Variants in LARGE1 observed in about 807,000 individuals in gnomAD.
The protein encoded by LARGE1 is xylosyl- and glucuronyltransferase LARGE1.
Under a neutral mutation model 87.6 loss-of-function variants are expected in LARGE1, and 43 were observed. The observed-to-expected ratio is 0.49, with a 90% confidence interval of 0.38 to 0.63. The LOEUF is 0.63. Ranked by LOEUF, LARGE1 falls within the 30% of genes least tolerant of loss-of-function variation. The pLI is 0.00. For missense variants in LARGE1, 802 were observed against 1,000.2 expected, an observed-to-expected ratio of 0.80 and a Z score of 2.67; for synonymous variants, 434 against 394.6, an observed-to-expected ratio of 1.10 and a Z score of -1.18.
At chr22:33,263,487 A>G (rs955170350) in intron 11 of LARGE1, among the ~76,000 whole-genome samples, 6 of 152,210 alleles carry the variant, frequency 3.9e-5, no homozygotes, top group African/African-American at 1.4e-4. Flanking sequence ...AGGAGCTGAG[A>G]AAAGTCCTGG....
chr22:33,124,845 A>C, the LARGE1 span, among the ~76,000 whole-genome samples: 2 of 152,222 alleles, frequency 1.3e-5, no homozygotes, highest in East Asian at 1.9e-4. Flanking sequence ...CTACTTAAAA[A>C]AAGAATTCAA....
chr22:33,091,327 G>A, the LARGE1 span, among the ~76,000 whole-genome samples: 9 of 152,218 alleles, frequency 5.9e-5, no homozygotes, highest in South Asian at 8.3e-4. Context: ...TTGGGAGGCC[G>A]AGGTGGGTGG....
At chr22:33,101,857 A>C in the LARGE1 span, among the ~76,000 whole-genome samples, 2 of 152,216 alleles carry the variant, frequency 1.3e-5, no homozygotes, top group East Asian at 3.8e-4. Flanking sequence ...AACATTATTC[A>C]AAGCAAATTT....
chr22:33,539,653 G>C (rs1322489691), intron 6 of LARGE1, among the ~76,000 whole-genome samples: 1 of 149,724 alleles, frequency 6.7e-6, no homozygotes, highest in African/African-American at 2.5e-5. Flanking sequence ...GCAGTGACAC[G>C]ATCACAGCTC....
chr22:33,882,031 T>TTG lies in LARGE1; in HGVS notation c.-83+37963_-83+37964insCA, dbSNP rs1340525414. Among the ~76,000 whole-genome samples, 113 of 135,658 alleles carry TTG rather than the reference T, an allele frequency of 8.3e-4. 1 individual carries two copies. Among genetic ancestry groups the TTG allele is most frequent in the African/African-American group, 3.5e-3 (101 of 28,608 alleles). The allele number at this position is 135,658 out of a possible 152,430, so 89.0% of individuals were successfully genotyped here. On this transcript the variant is annotated intron_variant, in intron 1 of 14. Coordinates refer to ENST00000397394, the MANE Select transcript of LARGE1 (RefSeq NM_133642.5). ...AATTATCTTTGCGGGGTTTTTTTGTTTTTGTTTTTTTTTGTTTTTTTTTTT... is the reference window on the plus strand; with the variant it reads ...AATTATCTTTGCGGGGTTTTTTTGTTTGTTTGTTTTTTTTTGTTTTTTTTTTT...
intron 12 of LARGE1, among the ~76,000 whole-genome samples, chr22:33,303,228 AT>A (rs752196857): frequency 2.4e-4 from 37 of 152,258 alleles, no homozygotes; most frequent in Middle Eastern, 3.4e-3. Context: ...CCGTCCCATG[AT>A]GTGGGGGGAG....
chr22:33,508,201 T>G (rs2148420671), intron 6 of LARGE1, among the ~76,000 whole-genome samples: 1 of 152,266 alleles, frequency 6.6e-6, no homozygotes, highest in Admixed American at 6.5e-5. Flanking sequence ...AACCAGGTGG[T>G]GCTAGATCCC....
chr22:33,100,029 T>C, the LARGE1 span, among the ~76,000 whole-genome samples: 28 of 152,216 alleles, frequency 1.8e-4, 1 homozygote, highest in South Asian at 5.6e-3. Context: ...ACTAGACACA[T>C]GAGGCTATTT....
intron 1 of LARGE1, among the ~76,000 whole-genome samples, chr22:33,838,167 A>G (rs1430046000): frequency 6.6e-6 from 1 of 152,192 alleles, no homozygotes; most frequent in Non-Finnish European, 1.5e-5. Context: ...TCATGGGCTA[A>G]AGGAAGACAG....
At chr22:33,734,236 C>T (rs2083572005) in intron 2 of LARGE1, among the ~76,000 whole-genome samples, 1 of 152,236 alleles carries the variant, frequency 6.6e-6, no homozygotes, top group Non-Finnish European at 1.5e-5. Flanking sequence ...CCTCTTTCCA[C>T]ATAAGGTCAC....
chr22:33,213,567 C>T (rs532454120), intron 11 of LARGE1, among the ~76,000 whole-genome samples: 136 of 152,314 alleles, frequency 8.9e-4, no homozygotes, highest in African/African-American at 3.1e-3. Flanking sequence ...AACCGCCAAC[C>T]TGTCAGTCAG....
At chr22:33,412,494 T>C (rs967518381) in intron 7 of LARGE1, among the ~76,000 whole-genome samples, 1 of 152,102 alleles carries the variant, frequency 6.6e-6, no homozygotes, top group African/African-American at 2.4e-5. Flanking sequence ...CCCCACTGCA[T>C]GGCATTCCCG....
chr22:33,598,896 G>T (rs7511220), intron 5 of LARGE1, among the ~76,000 whole-genome samples: 12,946 of 152,160 alleles, frequency 0.085, 680 homozygotes, highest in African/African-American at 0.14. Flanking sequence ...CTCAGTAATG[G>T]GATTGCTGAG....
chr22:33,908,861 G>T (rs1205802328), intron 1 of LARGE1, among the ~76,000 whole-genome samples: 2 of 152,184 alleles, frequency 1.3e-5, no homozygotes, highest in African/African-American at 2.4e-5. Context: ...GTCACAGGAA[G>T]CAAAGAAATT....
At chr22:33,732,721 T>A (rs2083515029) in intron 2 of LARGE1, 1 of 152,162 alleles carries the variant, frequency 6.6e-6, no homozygotes, top group Non-Finnish European at 1.5e-5. Context: ...GGGCTGCATA[T>A]ATTAGAAGCC....
chr22:33,561,138 G>A (rs1337237138), intron 6 of LARGE1, among the ~76,000 whole-genome samples: 2 of 152,214 alleles, frequency 1.3e-5, no homozygotes, highest in Non-Finnish European at 2.9e-5. Context: ...AAAGCTTCTA[G>A]CTCAGTGCCT....
intron 2 of LARGE1, among the ~76,000 whole-genome samples, chr22:33,745,073 G>T (rs1014397078): frequency 9.2e-5 from 14 of 152,176 alleles, no homozygotes; most frequent in African/African-American, 2.9e-4. Flanking sequence ...TTGCCTCAAA[G>T]CCTGAAGGAG....
At chr22:33,694,060 C>T (rs2082175139) in intron 2 of LARGE1, among the ~76,000 whole-genome samples, 1 of 152,154 alleles carries the variant, frequency 6.6e-6, no homozygotes, top group African/African-American at 2.4e-5. Context: ...TCTGTCACCA[C>T]TGTCTTGATC....
chr22:33,229,859 T>C (rs1925915908), intron 11 of LARGE1, among the ~76,000 whole-genome samples: 1 of 151,628 alleles, frequency 6.6e-6, no homozygotes, highest in Non-Finnish European at 1.5e-5. Flanking sequence ...TTCTGAACAA[T>C]AAAGACAAAA....
Sources: allele counts gnomAD v4.1 joint callset (sites outside exome capture counted in the v4.1 genomes callset), GRCh38; gene constraint gnomAD v4.1.1; transcripts MANE v1.5; gene names NCBI Gene and HGNC (gene_info 2026-07-23, HGNC 2026-07-21).